Variants in SEC31A observed in about 807,000 individuals in gnomAD.
The protein encoded by SEC31A is SEC31 homolog A, COPII component, also known as protein transport protein Sec31A.
In SEC31A, 70 loss-of-function variants were observed where a neutral mutation model predicts 151.0. That is an observed-to-expected ratio of 0.46 (90% CI 0.38 to 0.57). The LOEUF is 0.57. SEC31A is among the 20% of genes least tolerant of loss of function. The pLI is 0.00. For synonymous variants in SEC31A, 475 were observed against 505.9 expected (o/e 0.94, Z 0.82); for missense variants, 1,330 against 1,471.2 (o/e 0.90, Z 1.57).
chr4:82,870,314 C>T lies in SEC31A; in HGVS notation c.882+11G>A. Reference sequence around the variant, plus strand: ...AGGGCTACAAGGTTGAGACACATTTCCTGCCCATACCTCTCCTGTGTTTGG... The same window carrying T: ...AGGGCTACAAGGTTGAGACACATTTTCTGCCCATACCTCTCCTGTGTTTGG... On this transcript the variant is annotated intron_variant, in intron 8 of 26. Coordinates refer to ENST00000395310, the MANE Select transcript of SEC31A (RefSeq NM_001077207.4). The T allele has an allele frequency of 1.2e-6, 2 of 1,602,122 alleles. No individual in the cohort carries two copies. Among genetic ancestry groups the T allele is most frequent in the Non-Finnish European group, 1.7e-6 (2 of 1,169,658 alleles).
chr4:82,840,353 C>T (rs1217266997), intron 22 of SEC31A, among the ~76,000 whole-genome samples: 3 of 152,084 alleles, frequency 2.0e-5, no homozygotes, highest in Admixed American at 6.5e-5. Flanking sequence ...ACCCAACTAC[C>T]GAGAAAGGAT....
At position 82,878,762 on chromosome 4, in the gene SEC31A, G is replaced by A. The variant is rs1369058621; in HGVS notation, c.370C>T (p.Pro124Ser). ...ATGTTCACATCCAAGGCTCTCACTG[G>A]GCCAGTATGCTTGTCATTCTGGGCA... ...VIAQNDKHTGPVRALDVNIFQ... is the reference protein window; with the variant it reads ...VIAQNDKHTGSVRALDVNIFQ... The change falls in exon 4 of 27, where the codon CCA becomes TCA. Residue 124 changes from proline to serine, a missense_variant. Coordinates refer to ENST00000395310, the MANE Select transcript of SEC31A (RefSeq NM_001077207.4). 5.6e-6 allele frequency: 9 copies of A among 1,613,938 alleles called. No individual in the cohort carries two copies. Among genetic ancestry groups the A allele is most frequent in the South Asian group, 1.1e-5 (1 of 91,070 alleles).
chr4:82,890,628 A>C, intron 1 of SEC31A: 4 of 457,616 alleles, frequency 8.7e-6, no homozygotes, highest in Non-Finnish European at 1.2e-5. Flanking sequence ...AAATGACAGT[A>C]GACGTCAGTT....
intron 20 of SEC31A, among the ~76,000 whole-genome samples, chr4:82,848,474 T>A (rs2149321665): frequency 6.6e-6 from 1 of 152,300 alleles, no homozygotes; most frequent in Admixed American, 6.5e-5. Context: ...TCCTGCTACT[T>A]TACAGCTTGT....
At chr4:82,872,949 C>T (rs1342107759) in intron 6 of SEC31A, among the ~76,000 whole-genome samples, 3 of 152,174 alleles carry the variant, frequency 2.0e-5, no homozygotes, top group Admixed American at 6.5e-5. Flanking sequence ...AGGCAATTCG[C>T]CCACCTCGGC....
intron 24 of SEC31A, among the ~76,000 whole-genome samples, chr4:82,825,538 G>A (rs1195508790): frequency 1.3e-5 from 2 of 152,196 alleles, no homozygotes; most frequent in Admixed American, 6.6e-5. Context: ...CATTCCAGAC[G>A]AAAGGAATAA....
chr4:82,847,212 C>T (rs1553928725), intron 20 of SEC31A, among the ~76,000 whole-genome samples: 1 of 152,184 alleles, frequency 6.6e-6, no homozygotes, highest in Non-Finnish European at 1.5e-5. Flanking sequence ...CAAGGGTCAA[C>T]TGTAAAGGCA....
intron 14 of SEC31A, among the ~76,000 whole-genome samples, chr4:82,860,555 A>C (rs1441208956): frequency 6.6e-6 from 1 of 152,156 alleles, no homozygotes; most frequent in African/African-American, 2.4e-5. Flanking sequence ...AGCTCACTCC[A>C]ACCACGAACT....
chr4:82,881,751 C>A (rs1344534412), intron 2 of SEC31A, 107 bp downstream of exon 2: 10 of 818,206 alleles, frequency 1.2e-5, no homozygotes, highest in Non-Finnish European at 2.1e-5. Flanking sequence ...AGTAACTTGC[C>A]AGGGAGAGAG....
chr4:82,892,853 C>G (rs949357703), upstream of SEC31A, among the ~76,000 whole-genome samples: 1 of 152,148 alleles, frequency 6.6e-6, no homozygotes, highest in East Asian at 1.9e-4. Context: ...TTTTATTTAA[C>G]TGTGGTCACT....
chr4:82,890,647 T>C lies in SEC31A; in HGVS notation c.-5+441A>G, dbSNP rs575535918. The C allele has an allele frequency of 1.4e-5, 10 of 718,140 alleles. No homozygotes were observed. In the African/African-American group the frequency reaches 1.9e-4, roughly 14 times the overall value. The allele number at this position is 718,140 out of a possible 1,614,324, so 44.5% of individuals were successfully genotyped here. A position where few individuals can be genotyped will look rare whatever the true frequency, so the allele number is the denominator to read the frequency against. On this transcript the variant is annotated intron_variant, in intron 1 of 26. Coordinates refer to ENST00000395310, the MANE Select transcript of SEC31A (RefSeq NM_001077207.4). ...GACAGTAGACGTCAGTTCAAACCTA[T>C]GAACCTTTAAATCTGGCAATAGTTC...
At chr4:82,867,877 C>T (rs1279853510) in intron 8 of SEC31A, among the ~76,000 whole-genome samples, 1 of 152,236 alleles carries the variant, frequency 6.6e-6, no homozygotes, top group African/African-American at 2.4e-5. Flanking sequence ...AAGTGATCCG[C>T]CCGCCTTGGC....
intron 7 of SEC31A, chr4:82,871,550 C>A (rs947116620): frequency 2.8e-6 from 2 of 704,622 alleles, no homozygotes; most frequent in Non-Finnish European, 4.7e-6. Flanking sequence ...CAAAGGTGGG[C>A]AGATCACTTG....
At chr4:82,821,746 A>G (rs1337398124) in intron 25 of SEC31A, among the ~76,000 whole-genome samples, 1 of 152,082 alleles carries the variant, frequency 6.6e-6, no homozygotes, top group African/African-American at 2.4e-5. Flanking sequence ...TGCTTGCACT[A>G]TATTCACAAG....
rs755026073 is a variant in SEC31A at position 82,842,286 on chromosome 4, G to A, written c.2822C>T (p.Thr941Ile). Residue 941 changes from threonine (T) to isoleucine (I), a missense_variant, in exon 22 of 27, where the codon ACT becomes ATT. Coordinates refer to ENST00000395310, the MANE Select transcript of SEC31A (RefSeq NM_001077207.4). ...AGAGGAAGGGGGAGGAGGGAAAGAAGTAGCAGGGCTGGAGGTAGGTGAAGA... is the reference window on the plus strand; with the variant it reads ...AGAGGAAGGGGGAGGAGGGAAAGAAATAGCAGGGCTGGAGGTAGGTGAAGA... The part of the protein sequence containing the change: ...QASSPTSSPA[T>I]SFPPPPSSGA... 6.2e-7 allele frequency: 1 copy of A among 1,613,858 alleles called. No individual in the cohort carries two copies. Among genetic ancestry groups the A allele is most frequent in the South Asian group, 1.1e-5 (1 of 91,040 alleles).
upstream of SEC31A, among the ~76,000 whole-genome samples, chr4:82,892,586 T>C (rs1719866429): frequency 6.6e-6 from 1 of 152,218 alleles, no homozygotes; most frequent in South Asian, 2.1e-4. Context: ...TGGTCACAAG[T>C]TTAATCTCTG....
upstream of SEC31A, chr4:82,895,778 A>G (rs1452864599): frequency 6.6e-6 from 1 of 152,252 alleles, no homozygotes; most frequent in Non-Finnish European, 1.5e-5. Context: ...TTTATTCCTA[A>G]AACGAAAAAC....
At position 82,880,830 on chromosome 4, in the gene SEC31A, T is replaced by A; in HGVS notation, c.172A>T (p.Lys58Ter). The change falls in exon 3 of 27, where the codon AAA becomes TAA. Residue 58 changes from lysine (K) to a stop codon, truncating the protein, a stop_gained. Coordinates refer to ENST00000395310, the MANE Select transcript of SEC31A (RefSeq NM_001077207.4). LOFTEE classifies it high-confidence loss of function. ...GAAGAGGAGAATGTGGCACAAGATT[T>A]CATATCCAAGGATGGATCAGAGAGG... ...LDLSDPSLDM[K>*]SCATFSSSHR... 3 of 1,613,028 alleles carry A rather than the reference T, an allele frequency of 1.9e-6. No individual in the cohort carries two copies. The highest frequency in any genetic ancestry group is 2.5e-6 in the Non-Finnish European group (3 of 1,179,370).
upstream of SEC31A, among the ~76,000 whole-genome samples, chr4:82,891,736 A>G (rs564085352): frequency 1.3e-5 from 2 of 152,180 alleles, no homozygotes; most frequent in African/African-American, 4.8e-5. Context: ...TATTAATTCC[A>G]ATTAGTACCG....
Sources: allele counts gnomAD v4.1 joint callset (sites outside exome capture counted in the v4.1 genomes callset), GRCh38; gene constraint gnomAD v4.1.1; transcripts MANE v1.5; gene names NCBI Gene and HGNC (gene_info 2026-07-23, HGNC 2026-07-21).